BTRC: variants seen among roughly 807,000 people sequenced by gnomAD.
BTRC encodes beta-transducin repeat containing E3 ubiquitin protein ligase.
A neutral mutation model predicts 85.5 loss-of-function variants in BTRC; 42 were observed. The observed-to-expected ratio is 0.49, with a 90% CI of 0.38 to 0.64. BTRC has a LOEUF of 0.64. Among genes scored for constraint, BTRC ranks in the 30% least tolerant of loss-of-function variants. The pLI is 0.00. For missense variants in BTRC, 594 were observed against 743.5 expected (o/e 0.80, Z 2.34); for synonymous variants, 255 against 263.3 (o/e 0.97, Z 0.30).
rs765708211 is a variant in BTRC at position 101,532,317 on chromosome 10, G to T, written c.863G>T (p.Cys288Phe). The T allele has an allele frequency of 1.2e-5, 19 of 1,613,000 alleles. No homozygotes were observed. The East Asian group carries it at 2.0e-4, about 17-fold the overall frequency. ...DIETIESNWR[C>F]GRHSLQRIHC... ...CAGACAATAGAATCTAATTGGAGAT[G>T]TGGAAGACATAGTTTACAGAGAATT... Residue 288 changes from cysteine to phenylalanine, a missense_variant, in exon 8 of 15, where the codon TGT (cysteine) becomes TTT (phenylalanine). Coordinates refer to ENST00000370187, the MANE Select transcript of BTRC (RefSeq NM_033637.4).
At chr10:101,457,437 C>T (rs1006197763) in intron 2 of BTRC, among the ~76,000 whole-genome samples, 5 of 152,174 alleles carry the variant, frequency 3.3e-5, no homozygotes, top group Non-Finnish European at 5.9e-5. Flanking sequence ...TAATTCACAT[C>T]CTGGGCAGGA....
At chr10:101,417,334 A>G (rs1460136971) in intron 1 of BTRC, among the ~76,000 whole-genome samples, 1 of 152,224 alleles carries the variant, frequency 6.6e-6, no homozygotes, top group Non-Finnish European at 1.5e-5. Context: ...CTTTCATAAC[A>G]TTGACATTTT....
At chr10:101,386,331 G>A (rs1943078945) in intron 1 of BTRC, among the ~76,000 whole-genome samples, 1 of 152,194 alleles carries the variant, frequency 6.6e-6, no homozygotes, top group African/African-American at 2.4e-5. Context: ...TTCTGTCAAG[G>A]TCAGCCTTAA....
chr10:101,380,048 A>G (rs1050755814), intron 1 of BTRC, among the ~76,000 whole-genome samples: 2 of 152,110 alleles, frequency 1.3e-5, no homozygotes, highest in South Asian at 2.1e-4. Context: ...CGAGAATTCT[A>G]CCTGTTTTGT....
intron 13 of BTRC, among the ~76,000 whole-genome samples, chr10:101,549,708 T>C (rs2062617416): frequency 1.0e-4 from 3 of 28,956 alleles, no homozygotes; most frequent in Non-Finnish European, 1.6e-4. Flanking sequence ...AGCGAGACTC[T>C]GTCTCAAAAA....
intron 4 of BTRC, among the ~76,000 whole-genome samples, chr10:101,516,231 A>C (rs113329862): frequency 5.9e-5 from 9 of 152,210 alleles, no homozygotes; most frequent in African/African-American, 1.9e-4. Flanking sequence ...TGTGCTAAGC[A>C]TGCTTTTCAT....
Position 101,376,299 on chromosome 10 carries a change from T to C in BTRC, c.48+22071T>C, listed in dbSNP as rs553112186. Among the ~76,000 whole-genome samples the C allele has an allele frequency of 4.0e-4, 61 of 152,336 alleles. No homozygotes were observed. In the South Asian group the frequency reaches 0.013, roughly 32 times the overall value. On this transcript the variant is annotated intron_variant, in intron 1 of 14. Transcript: ENST00000370187. Reference sequence around the variant, plus strand: ...AAGATTATGCCACTGCACTCCAGCATGTGTGACAGAGCAAGACTCCATCTC... The same window carrying C: ...AAGATTATGCCACTGCACTCCAGCACGTGTGACAGAGCAAGACTCCATCTC...
rs1340427547 is a variant in BTRC at position 101,555,288 on chromosome 10, T to C, written c.*2165T>C. 1 of 152,704 alleles carries C rather than the reference T, an allele frequency of 6.5e-6. No homozygotes were observed. The highest frequency in any genetic ancestry group is 2.4e-5 in the African/African-American group (1 of 41,480). 9.5% of individuals were successfully genotyped at this position (152,704 alleles called of 1,614,324 possible). On this transcript the variant is annotated 3_prime_UTR_variant, in exon 15 of 15. Transcript: ENST00000370187. ...TACCAGCCTTTCTGTCATATGCTGC[T>C]ATTACAAAGTGGAAGCTGTTGAATG...
At chr10:101,383,050 C>T (rs1271948171) in intron 1 of BTRC, among the ~76,000 whole-genome samples, 3 of 135,598 alleles carry the variant, frequency 2.2e-5, no homozygotes, top group African/African-American at 7.9e-5. Flanking sequence ...TTGGGCCTTC[C>T]CTGGAGATTT....
chr10:101,532,608 C>G (rs2062302705), intron 8 of BTRC, among the ~76,000 whole-genome samples, 176 bp downstream of exon 8: 1 of 152,178 alleles, frequency 6.6e-6, no homozygotes, highest in South Asian at 2.1e-4. Flanking sequence ...AGCTTCCCCA[C>G]TATACAAACG....
intron 4 of BTRC, among the ~76,000 whole-genome samples, chr10:101,510,231 G>A (rs976121337): frequency 2.6e-5 from 4 of 152,032 alleles, no homozygotes; most frequent in Non-Finnish European, 4.4e-5. Flanking sequence ...ATTTTTGGCC[G>A]GGTGCAGTGG....
At chr10:101,377,502 G>A (rs1430622679) in intron 1 of BTRC, among the ~76,000 whole-genome samples, 2 of 152,154 alleles carry the variant, frequency 1.3e-5, no homozygotes, top group African/African-American at 4.8e-5. Flanking sequence ...CAAGCAATGG[G>A]TGAGAGTTCT....
intron 2 of BTRC, among the ~76,000 whole-genome samples, chr10:101,459,418 G>T (rs1354621223): frequency 6.6e-6 from 1 of 152,122 alleles, no homozygotes; most frequent in South Asian, 2.1e-4. Flanking sequence ...TATTAGGAGG[G>T]TTCCTAATCC....
At chr10:101,388,051 T>G (rs1236012140) in intron 1 of BTRC, among the ~76,000 whole-genome samples, 2 of 152,158 alleles carry the variant, frequency 1.3e-5, no homozygotes, top group East Asian at 3.9e-4. Context: ...AAGGCAAAAA[T>G]ATACTAAACC....
At chr10:101,357,353 A>G (rs1942067212) in intron 1 of BTRC, among the ~76,000 whole-genome samples, 1 of 149,958 alleles carries the variant, frequency 6.7e-6, no homozygotes, top group South Asian at 2.1e-4. Flanking sequence ...AGGCAGTAGA[A>G]TCACTTGAAC....
intron 1 of BTRC, among the ~76,000 whole-genome samples, chr10:101,383,788 T>C (rs1375488231): frequency 6.6e-6 from 1 of 152,240 alleles, no homozygotes; most frequent in Non-Finnish European, 1.5e-5. Flanking sequence ...ATTTTGGCAA[T>C]TGGCTAAATT....
chr10:101,361,416 T>TA (rs1427770503), intron 1 of BTRC, among the ~76,000 whole-genome samples: 1 of 152,256 alleles, frequency 6.6e-6, no homozygotes, highest in African/African-American at 2.4e-5. Flanking sequence ...AGCAATATTT[T>TA]AATATAGCAC....
At chr10:101,474,783 T>C (rs570011575) in intron 3 of BTRC, among the ~76,000 whole-genome samples, 56 of 152,296 alleles carry the variant, frequency 3.7e-4, no homozygotes, top group African/African-American at 1.3e-3. Context: ...AACACACATC[T>C]CACCCAGTGT....
intron 3 of BTRC, among the ~76,000 whole-genome samples, chr10:101,478,466 G>A (rs1488729382): frequency 1.3e-5 from 2 of 150,844 alleles, no homozygotes; most frequent in Admixed American, 1.3e-4. Context: ...TTTCTGGATG[G>A]TTTAAAATTT....
Sources: allele counts gnomAD v4.1 joint callset (sites outside exome capture counted in the v4.1 genomes callset), GRCh38; gene constraint gnomAD v4.1.1; transcripts MANE v1.5; gene names NCBI Gene and HGNC (gene_info 2026-07-23, HGNC 2026-07-21).